The following ALS2 variants were observed in gnomAD, a reference collection of about 807,000 sequenced individuals.
ALS2 encodes the protein alsin Rho guanine nucleotide exchange factor ALS2.
Under a neutral mutation model 203.4 loss-of-function variants are expected in ALS2, and 117 were observed. The ratio of observed to expected loss-of-function variants is 0.58; its 90% CI spans 0.50 to 0.67. The LOEUF is 0.67. ALS2 is among the 30% of genes least tolerant of loss of function. The pLI is 0.00. For synonymous variants in ALS2, 718 were observed against 725.9 expected, an observed-to-expected ratio of 0.99 and a Z score of 0.17; for missense variants, 1,715 against 1,989.4, an observed-to-expected ratio of 0.86 and a Z score of 2.62.
At chr2:201,764,736 A>G (rs1693989040) in intron 3 of ALS2, among the ~76,000 whole-genome samples, 1 of 152,120 alleles carries the variant, frequency 6.6e-6, no homozygotes, top group South Asian at 2.1e-4. Context: ...GGTCATATTT[A>G]ATAGAGATGA....
Position 201,738,718 on chromosome 2 carries a change from G to A in ALS2, c.2369C>T (p.Thr790Ile). ...DSYTEYCTSI[T>I]NFLVMGGFQL... ...GAATCCTCCCATAACCAGGAAATTTGTAATAGATGTGCAATACCTTGAGCA... is the reference window on the plus strand; with the variant it reads ...GAATCCTCCCATAACCAGGAAATTTATAATAGATGTGCAATACCTTGAGCA... The change falls in exon 12 of 34, where the codon ACA becomes ATA. Residue 790 changes from threonine (T) to isoleucine (I), a missense_variant. This residue lies in a region of ALS2 where 1,227 missense variants were observed against 1,413.5 expected (regional missense o/e 0.87). Coordinates refer to ENST00000264276, the MANE Select transcript of ALS2 (RefSeq NM_020919.4). 1.2e-6 allele frequency: 2 copies of A among 1,613,982 alleles called. No homozygotes were observed. Among genetic ancestry groups the A allele is most frequent in the Non-Finnish European group, 1.7e-6 (2 of 1,179,894 alleles).
At chr2:201,710,156 T>C (rs1689948953) in intron 26 of ALS2, 118 bp from the exon 27 acceptor site, 2 of 1,243,698 alleles carry the variant, frequency 1.6e-6, no homozygotes. Context: ...GAGTCAATTT[T>C]GGGACCAGGA....
intron 15 of ALS2, 39 bp downstream of exon 15, chr2:201,728,473 C>T (rs888004411): frequency 1.2e-6 from 2 of 1,613,028 alleles, no homozygotes; most frequent in African/African-American, 2.7e-5. Context: ...TAGGGGTCCA[C>T]CTTTCAGGAA....
In ALS2 at chr2:201,726,730, T is replaced by C; in HGVS notation, c.3116A>G (p.Tyr1039Cys). 1 of 1,614,206 alleles carries C rather than the reference T, an allele frequency of 6.2e-7. No individual in the cohort carries two copies. Among genetic ancestry groups the C allele is most frequent in the African/African-American group, 1.3e-5 (1 of 75,066 alleles). ...GGCATCCTTTAGGCGAGGATCCTTG[T>C]AGAAAGTATATTTGGCACTGCGTGA... ...PISRSAKYTF[Y>C]KDPRLKDATY... Residue 1039 changes from tyrosine (Y) to cysteine (C), a missense_variant, in exon 18 of 34, where the codon TAC (tyrosine) becomes TGC (cysteine). Tyr to Cys is a radical substitution (Grantham distance 194, BLOSUM62 -2). Around this residue, in one of 3 missense-constraint regions of ALS2, gnomAD observed 1,227 missense variants for 1,413.5 expected, o/e 0.87. Transcript: ENST00000264276.
Position 201,741,808 on chromosome 2 carries a change from A to C in ALS2, c.2217T>G (p.Ala739=). The change falls in exon 11 of 34, where the codon GCT becomes GCG. Residue 739 remains alanine, a synonymous_variant. Transcript: ENST00000264276. ...GGTAACACAGCTTGCTGAATCGGCTAGCCACCTCCTGCAACAGCTGGACTG... is the reference window on the plus strand; with the variant it reads ...GGTAACACAGCTTGCTGAATCGGCTCGCCACCTCCTGCAACAGCTGGACTG... ...TTTVQLLQEV[A]SRFSKLCYLI... is the part of the protein sequence containing the mutation. The C allele has an allele frequency of 6.2e-7, 1 of 1,614,146 alleles. No homozygotes were observed. The highest frequency in any genetic ancestry group is 2.2e-5 in the East Asian group (1 of 44,884).
At chr2:201,742,179 A>G (rs1446866208) in intron 10 of ALS2, among the ~76,000 whole-genome samples, 1 of 152,238 alleles carries the variant, frequency 6.6e-6, no homozygotes, top group Non-Finnish European at 1.5e-5. Flanking sequence ...CATTTTGAAG[A>G]TAAGTAATCT....
In ALS2 at chr2:201,739,235, CAAAAAAAAAAA is replaced by C. The variant is rs34341730; in HGVS notation, c.2352-511_2352-501del. 3.7e-4 allele frequency among the ~76,000 whole-genome samples: 15 copies of C among 41,084 alleles called. No homozygotes were observed. In the Admixed American group the frequency reaches 4.5e-3, roughly 12 times the overall value. 27.0% of individuals were successfully genotyped at this position (41,084 alleles called of 152,430 possible). On this transcript the variant is annotated intron_variant, in intron 11 of 33. Transcript: ENST00000264276. ...TGAGTGACAGGATACGACTGTCTCC[CAAAAAAAAAAA>C]AAAAAAAAAAAAGATGGTAATATAA...
At chr2:201,765,827 C>A (rs80275758) in intron 3 of ALS2, 1 of 166,818 alleles carries the variant, frequency 6.0e-6, no homozygotes, top group African/African-American at 2.4e-5. Flanking sequence ...GCTATTCATG[C>A]CTGAAAAAAA....
chr2:201,729,320 T>G, intron 13 of ALS2, 137 bp from the exon 14 acceptor site: 1 of 862,228 alleles, frequency 1.2e-6, no homozygotes. Flanking sequence ...AGTAGCACAC[T>G]GCAGGAGACT....
At chr2:201,704,373 TC>T in intron 32 of ALS2, 80 bp downstream of exon 32, 3 of 1,562,842 alleles carry the variant, frequency 1.9e-6, no homozygotes, top group Non-Finnish European at 2.6e-6. Flanking sequence ...AAGAGCGTAC[TC>T]CTGCTGTCAG....
At chr2:201,733,704 G>T (rs956994123) in intron 12 of ALS2, among the ~76,000 whole-genome samples, 1 of 152,140 alleles carries the variant, frequency 6.6e-6, no homozygotes, top group South Asian at 2.1e-4. Flanking sequence ...AATGAATCAT[G>T]CATCCAACAA....
At chr2:201,739,606 G>A (rs1028308545) in intron 11 of ALS2, among the ~76,000 whole-genome samples, 12 of 152,182 alleles carry the variant, frequency 7.9e-5, no homozygotes, top group African/African-American at 2.6e-4. Flanking sequence ...AGCTGGGCGC[G>A]GTGGCGGATG....
At chr2:201,709,670 T>C (rs1031431576) in intron 27 of ALS2, among the ~76,000 whole-genome samples, 1 of 152,190 alleles carries the variant, frequency 6.6e-6, no homozygotes, top group African/African-American at 2.4e-5. Flanking sequence ...TAGCTTTACT[T>C]AATAAGACAT....
At chr2:201,780,247 C>T (rs1022798916) in intron 1 of ALS2, among the ~76,000 whole-genome samples, 11 of 152,212 alleles carry the variant, frequency 7.2e-5, no homozygotes, top group Non-Finnish European at 1.0e-4. Context: ...CGTCAAGGAC[C>T]TGTGTTATTT....
intron 20 of ALS2, among the ~76,000 whole-genome samples, chr2:201,725,026 T>C (rs1307549129): frequency 6.7e-6 from 1 of 149,784 alleles, no homozygotes; most frequent in Admixed American, 6.7e-5. Flanking sequence ...AGCAGGAGAA[T>C]GGCATGAACC....
intron 1 of ALS2, among the ~76,000 whole-genome samples, chr2:201,772,190 C>A (rs562529161): frequency 6.6e-6 from 1 of 152,162 alleles, no homozygotes; most frequent in Non-Finnish European, 1.5e-5. Flanking sequence ...CCACTGGATA[C>A]ACATCCTTCT....
intron 3 of ALS2, 87 bp from the exon 4 acceptor site, chr2:201,761,905 G>C (rs1271677864): frequency 7.2e-7 from 1 of 1,380,098 alleles, no homozygotes. Context: ...GTCCCCTATA[G>C]ATTTAACCAA....
At chr2:201,743,652 T>G (rs1453216847) in intron 10 of ALS2, among the ~76,000 whole-genome samples, 1 of 152,112 alleles carries the variant, frequency 6.6e-6, no homozygotes, top group Non-Finnish European at 1.5e-5. Flanking sequence ...AATTTTTGTA[T>G]TTTTAGTAGA....
chr2:201,760,981 G>A lies in ALS2; in HGVS notation c.1013C>T (p.Ser338Leu), dbSNP rs759268619. Residue 338 changes from serine (S) to leucine (L), a missense_variant, in exon 4 of 34, where the codon TCA becomes TTA. Physicochemically the swap from Ser to Leu is moderately radical, Grantham distance 145. This residue lies in a region of ALS2 where 476 missense variants were observed against 539.3 expected (regional missense o/e 0.88). Transcript: ENST00000264276. ...TEISSARNIP[S>L]YPDTQAVNEY... is the part of the protein sequence containing the mutation. Reference sequence around the variant, plus strand: ...ATTGACTGCTTGGGTGTCAGGGTATGATGGTATGTTTCTGGCAGAGGAAAT... The same window carrying A: ...ATTGACTGCTTGGGTGTCAGGGTATAATGGTATGTTTCTGGCAGAGGAAAT... The A allele has an allele frequency of 1.2e-6, 2 of 1,614,188 alleles. No individual in the cohort carries two copies. The highest frequency in any genetic ancestry group is 1.1e-5 in the South Asian group (1 of 91,082).
Sources: gnomAD v4.1 joint callset for allele counts (sites outside exome capture counted in the v4.1 genomes callset) on GRCh38, gnomAD v4.1.1 for gene constraint, gnomAD v4.1.1 regional missense constraint, MANE v1.5 for transcripts, NCBI Gene and HGNC (gene_info 2026-07-23, HGNC 2026-07-21) for gene names.